The following DNAJC14 variants were observed in gnomAD, a reference collection of about 807,000 sequenced individuals.
DNAJC14 encodes the protein dnaJ homolog subfamily C member 14.
In DNAJC14, 12 loss-of-function variants were observed where a neutral mutation model predicts 68.8. The observed-to-expected ratio is 0.17, with a 90% confidence interval of 0.11 to 0.28. The LOEUF (loss-of-function observed/expected upper bound fraction) is 0.28. Among genes scored for constraint, DNAJC14 ranks in the 10% least tolerant of loss-of-function variants. The pLI, the probability that DNAJC14 is intolerant of heterozygous loss-of-function variation, is 1.00. For synonymous variants in DNAJC14, 350 were observed against 321.5 expected, an observed-to-expected ratio of 1.09 and a Z score of -0.95; for missense variants, 764 against 875.6, an observed-to-expected ratio of 0.87 and a Z score of 1.61.
intron 2 of DNAJC14, among the ~76,000 whole-genome samples, chr12:55,825,669 G>A (rs1451531291): frequency 2.7e-5 from 4 of 147,970 alleles, no homozygotes; most frequent in African/African-American, 9.9e-5. Context: ...TCAGCCTCCC[G>A]AGTAGCTGGG....
Position 55,828,558 on chromosome 12 carries a change from G to A in DNAJC14, c.101C>T (p.Pro34Leu), listed in dbSNP as rs1880870812. 3.7e-6 allele frequency: 6 copies of A among 1,614,092 alleles called. No individual in the cohort carries two copies. The East Asian group carries it at 1.1e-4, about 30-fold the overall frequency. Residue 34 changes from proline to leucine, a missense_variant, in exon 2 of 7, where the codon CCT becomes CTT. Coordinates refer to ENST00000678005, the MANE Select transcript of DNAJC14 (RefSeq NM_032364.6). ...TLGPSVDPEI[P>L]SFSGLRDSAG... is the part of the protein sequence containing the mutation. Reference sequence around the variant, plus strand: ...TGAGTCCCTGAGTCCTGAGAATGAAGGTATTTCAGGGTCCACGGAGGGTCC... The same window carrying A: ...TGAGTCCCTGAGTCCTGAGAATGAAAGTATTTCAGGGTCCACGGAGGGTCC...
Position 55,821,532 on chromosome 12 carries a change from C to T in DNAJC14, c.*445G>A, listed in dbSNP as rs1431310685. ...CCTAGGTTCTTTACTCTAGCTACCC[C>T]CTATTTCTTTGGTATTGTCAAAAGA... On this transcript the variant is annotated 3_prime_UTR_variant, in exon 7 of 7. Transcript: ENST00000678005. The T allele has an allele frequency of 6.5e-6, 1 of 154,094 alleles. No individual in the cohort carries two copies. Among genetic ancestry groups the T allele is most frequent in the Admixed American group, 6.5e-5 (1 of 15,370 alleles). 9.5% of individuals were successfully genotyped at this position (154,094 alleles called of 1,614,324 possible).
At chr12:55,828,835 C>A in intron 1 of DNAJC14, 121 bp from the exon 2 acceptor site, 1 of 1,262,842 alleles carries the variant, frequency 7.9e-7, no homozygotes, top group South Asian at 1.9e-5. Context: ...TCTTTTGGGG[C>A]ATTCGCTATT....
chr12:55,825,059 G>A (rs1880757429), intron 2 of DNAJC14, among the ~76,000 whole-genome samples: 1 of 150,404 alleles, frequency 6.6e-6, no homozygotes, highest in African/African-American at 2.5e-5. Flanking sequence ...AAGCCTGGGG[G>A]ATCAAGGCTG....
chr12:55,829,030 C>T (rs1880887570), intron 1 of DNAJC14: 3 of 886,552 alleles, frequency 3.4e-6, no homozygotes, highest in East Asian at 1.1e-4. Flanking sequence ...GAAAGACCGC[C>T]GGAAAGGGGG....
chr12:55,827,837 A>G lies in DNAJC14; in HGVS notation c.822T>C (p.Tyr274=). The part of the protein sequence containing the change: ...EYVETCGHLI[Y]ACRQLKSSDL... ...CACTGCTTTTCAGTTGCCTGCAGGC[A>G]TAGATGAGATGGCCACAAGTTTCTA... The change falls in exon 2 of 7, where the codon TAT becomes TAC. Residue 274 remains tyrosine, a synonymous_variant. Coordinates refer to ENST00000678005, the MANE Select transcript of DNAJC14 (RefSeq NM_032364.6). 6.2e-7 allele frequency: 1 copy of G among 1,614,004 alleles called. No homozygotes were observed. Among genetic ancestry groups the G allele is most frequent in the Non-Finnish European group, 8.5e-7 (1 of 1,179,890 alleles).
chr12:55,829,133 GA>G (rs1282681609), intron 1 of DNAJC14: 1 of 987,442 alleles, frequency 1.0e-6, no homozygotes, highest in African/African-American at 1.7e-5. Context: ...GACTAACAGG[GA>G]ACCCACCGGC....
Position 55,828,105 on chromosome 12 carries a change from C to A in DNAJC14, c.554G>T (p.Arg185Leu), listed in dbSNP as rs776292014. 12 of 1,600,328 alleles carry A rather than the reference C, an allele frequency of 7.5e-6. No homozygotes were observed. The Admixed American group carries it at 1.9e-4, about 26-fold the overall frequency. ...ESLKFPSDFS[R>L]VSSGKKPPSR... ...TGGGGGTTTCTTTCCGCTGGACACACGTGAAAAATCACTGGGGAACTTGAG... is the reference window on the plus strand; with the variant it reads ...TGGGGGTTTCTTTCCGCTGGACACAAGTGAAAAATCACTGGGGAACTTGAG... The change falls in exon 2 of 7, where the codon CGT (arginine) becomes CTT (leucine). Residue 185 changes from arginine to leucine, a missense_variant. Around this residue, in one of 4 missense-constraint regions of DNAJC14, gnomAD observed 514 missense variants for 521.7 expected, o/e 0.99. Transcript: ENST00000678005.
At chr12:55,829,212 C>T (rs1272252360) in intron 1 of DNAJC14, 1 of 970,350 alleles carries the variant, frequency 1.0e-6, no homozygotes, top group Non-Finnish European at 1.2e-6. Context: ...TTTGGGAGGC[C>T]GAGGCCGGCG....
At chr12:55,829,680 C>T (rs546463153), upstream of DNAJC14, 19 of 921,448 alleles carry the variant, frequency 2.1e-5, no homozygotes, top group South Asian at 6.0e-4. Flanking sequence ...AAAGAAATAG[C>T]GGTTGGCTGA....
Position 55,822,130 on chromosome 12 carries a change from T to A in DNAJC14, c.1956A>T (p.Gln652His). Residue 652 changes from glutamine (Q) to histidine (H), a missense_variant, in exon 7 of 7, where the codon CAA becomes CAT. Coordinates refer to ENST00000678005, the MANE Select transcript of DNAJC14 (RefSeq NM_032364.6). ...CATTGGGCATCTGCCCTGGGGGTAC[T>A]TGAAAGATCCGACTCAAGAAATCCT... Reference protein sequence around the residue: ...DLQDFLSRIFQVPPGQMPNGN... With the variant: ...DLQDFLSRIFHVPPGQMPNGN... The A allele has an allele frequency of 3.1e-6, 5 of 1,608,538 alleles. 1 individual carries two copies. In the South Asian group the frequency reaches 5.5e-5, roughly 18 times the overall value.
At chr12:55,822,341 G>A (rs1437190926) in intron 6 of DNAJC14, 32 bp downstream of exon 6, 2 of 1,601,240 alleles carry the variant, frequency 1.2e-6, no homozygotes. Flanking sequence ...AACTGAAATA[G>A]TGGATAGATT....
rs1880700640 is a variant in DNAJC14 at position 55,822,723 on chromosome 12, T to C, written c.1644A>G (p.Glu548=). 1.2e-6 allele frequency: 2 copies of C among 1,614,084 alleles called. No homozygotes were observed. The highest frequency in any genetic ancestry group is 1.3e-5 in the African/African-American group (1 of 75,054). Reference sequence around the variant, plus strand: ...TGGCACTCTTAGGTTCCCGGTCCATTTCAAACCTCCTGCAACCAACAAAAG... The same window carrying C: ...TGGCACTCTTAGGTTCCCGGTCCATCTCAAACCTCCTGCAACCAACAAAAG... ...SRCQGKHRRF[E]MDREPKSARY... The change falls in exon 5 of 7, where the codon GAA becomes GAG. Residue 548 remains glutamate (E), a synonymous_variant. Transcript: ENST00000678005.
At chr12:55,826,903 G>C (rs1019389947) in intron 2 of DNAJC14, among the ~76,000 whole-genome samples, 1 of 151,494 alleles carries the variant, frequency 6.6e-6, no homozygotes, top group East Asian at 1.9e-4. Flanking sequence ...GAAAATATAG[G>C]AACAGGCTGG....
In DNAJC14 at chr12:55,827,445, T is replaced by C; in HGVS notation, c.1214A>G (p.Lys405Arg). 1 of 1,607,652 alleles carries C rather than the reference T, an allele frequency of 6.2e-7. No homozygotes were observed. The highest frequency in any genetic ancestry group is 1.7e-5 in the Admixed American group (1 of 59,284). Residue 405 changes from lysine (K) to arginine (R), a missense_variant, in exon 2 of 7, where the codon AAG (lysine) becomes AGG (arginine). Lys to Arg is a conservative substitution (Grantham distance 26). Transcript: ENST00000678005. ...QWGWLELPWV[K>R]QNINRQGNAP... ...ATTCCCCTGCCTATTAATATTCTGC[T>C]TGACCCAAGGCAACTCCAGCCAGCC...
chr12:55,823,234 G>A, intron 3 of DNAJC14, 45 bp from the exon 4 acceptor site: 3 of 1,612,988 alleles, frequency 1.9e-6, no homozygotes, highest in Non-Finnish European at 2.5e-6. Context: ...TTGAGGGAGG[G>A]ACAAAGGAAG....
intron 2 of DNAJC14, among the ~76,000 whole-genome samples, chr12:55,826,210 A>C (rs1280179182): frequency 6.6e-6 from 1 of 151,982 alleles, no homozygotes; most frequent in African/African-American, 2.4e-5. Context: ...GGTTCAAAGA[A>C]TATATCTCGT....
At chr12:55,822,532 C>G (rs1341716630) in intron 5 of DNAJC14, 40 bp downstream of exon 5, 3 of 1,613,676 alleles carry the variant, frequency 1.9e-6, no homozygotes, top group Non-Finnish European at 1.7e-6. Flanking sequence ...CATAAAAGAT[C>G]AGGAAGTATG....
rs1424324846 is a variant in DNAJC14, at chr12:55,821,069, AT to A, written c.*907del. ...AAATATGAACAAACTTAAAAAAAAA[AT>A]ACAAACCCTTGGATCACATGGGGGC... On this transcript the variant is annotated 3_prime_UTR_variant, in exon 7 of 7. Coordinates refer to ENST00000678005, the MANE Select transcript of DNAJC14 (RefSeq NM_032364.6). 1.3e-5 allele frequency: 2 copies of A among 152,692 alleles called. No homozygotes were observed. Among genetic ancestry groups the A allele is most frequent in the African/African-American group, 2.4e-5 (1 of 41,464 alleles). The allele number at this position is 152,692 out of a possible 1,614,324, so 9.5% of individuals were successfully genotyped here. A position where few individuals can be genotyped will look rare whatever the true frequency, so the allele number is the denominator to read the frequency against.
Sources: allele counts gnomAD v4.1 joint callset (sites outside exome capture counted in the v4.1 genomes callset), GRCh38; gene constraint gnomAD v4.1.1; regional missense constraint gnomAD v4.1.1; transcripts MANE v1.5; gene names NCBI Gene and HGNC (gene_info 2026-07-23, HGNC 2026-07-21).